PSD3: variants seen among roughly 807,000 people sequenced by gnomAD.
PSD3 encodes the protein PH and SEC7 domain-containing protein 3.
A neutral mutation model predicts 105.5 loss-of-function variants in PSD3; 49 were observed. The ratio of observed to expected loss-of-function variants is 0.46; its 90% CI spans 0.37 to 0.59. The LOEUF (loss-of-function observed/expected upper bound fraction) is 0.59. Among genes scored for constraint, PSD3 ranks in the 20% least tolerant of loss-of-function variants. PSD3 has a pLI of 0.00. For missense variants in PSD3, 1,561 were observed against 1,263.8 expected (o/e 1.24, Z -3.57); for synonymous variants, 557 against 457.8 (o/e 1.22, Z -2.77).
At chr8:18,637,628 T>C (rs1807360478) in intron 10 of PSD3, among the ~76,000 whole-genome samples, 1 of 152,330 alleles carries the variant, frequency 6.6e-6, no homozygotes. Context: ...CCTACCATTG[T>C]AAAGTACCAT....
At chr8:18,584,631 G>C (rs992966397) in intron 12 of PSD3, among the ~76,000 whole-genome samples, 3 of 152,316 alleles carry the variant, frequency 2.0e-5, no homozygotes, top group Admixed American at 6.5e-5. Flanking sequence ...GAAGCAAGCT[G>C]GCTCAGGCAA....
chr8:18,902,660 G>A (rs1052178220), intron 2 of PSD3, among the ~76,000 whole-genome samples: 5 of 152,132 alleles, frequency 3.3e-5, no homozygotes, highest in African/African-American at 1.2e-4. Context: ...ACTGGCTTTT[G>A]TACAGAAAGA....
At chr8:18,846,790 C>T (rs1285792842) in intron 4 of PSD3, among the ~76,000 whole-genome samples, 1 of 152,092 alleles carries the variant, frequency 6.6e-6, no homozygotes, top group African/African-American at 2.4e-5. Context: ...AGGGGTCTTG[C>T]TCATGAAGAG....
At chr8:18,909,410 G>C (rs546342683) in intron 2 of PSD3, among the ~76,000 whole-genome samples, 2 of 152,114 alleles carry the variant, frequency 1.3e-5, no homozygotes, top group African/African-American at 4.8e-5. Flanking sequence ...AGATAACTTA[G>C]CTATGGATAA....
chr8:18,906,350 T>C (rs997365283), intron 2 of PSD3, among the ~76,000 whole-genome samples: 1 of 152,218 alleles, frequency 6.6e-6, no homozygotes, highest in African/African-American at 2.4e-5. Flanking sequence ...GAAATTTCAA[T>C]GCACTAATAA....
intron 4 of PSD3, among the ~76,000 whole-genome samples, chr8:18,843,945 A>G (rs1193307488): frequency 7.4e-5 from 11 of 148,996 alleles, no homozygotes; most frequent in Admixed American, 6.0e-4. Flanking sequence ...ACCCAAGGCA[A>G]TACTGTCAGG....
At chr8:18,713,535 G>A (rs1199865843) in intron 9 of PSD3, among the ~76,000 whole-genome samples, 1 of 152,038 alleles carries the variant, frequency 6.6e-6, no homozygotes, top group Admixed American at 6.6e-5. Context: ...ATTCACAATT[G>A]CTACAAAGAG....
chr8:18,912,177 CATA>C (rs1820267209), intron 2 of PSD3, among the ~76,000 whole-genome samples: 1 of 152,136 alleles, frequency 6.6e-6, no homozygotes, highest in South Asian at 2.1e-4. Context: ...ATCCTTATTT[CATA>C]ATGTCATAAT....
chr8:18,662,924 C>G (rs1044870043), intron 9 of PSD3, among the ~76,000 whole-genome samples: 5 of 152,094 alleles, frequency 3.3e-5, no homozygotes, highest in Non-Finnish European at 7.4e-5. Context: ...GGAGCTACAG[C>G]AAGAAAGCCA....
chr8:18,913,086 A>AC (rs1820350128), intron 2 of PSD3, among the ~76,000 whole-genome samples: 60 of 130,524 alleles, frequency 4.6e-4, no homozygotes, highest in Non-Finnish European at 5.4e-4. Flanking sequence ...CACACACACA[A>AC]ACACACACAC....
chr8:18,718,785 G>C (rs937248249), intron 9 of PSD3, among the ~76,000 whole-genome samples: 5 of 152,080 alleles, frequency 3.3e-5, no homozygotes, highest in African/African-American at 7.2e-5. Flanking sequence ...ATAATTTAGA[G>C]ACATTAATAA....
At chr8:18,695,968 T>G (rs896021458) in intron 9 of PSD3, among the ~76,000 whole-genome samples, 1 of 152,194 alleles carries the variant, frequency 6.6e-6, no homozygotes, top group Non-Finnish European at 1.5e-5. Context: ...CATTCCTGGG[T>G]AGACTCTGTG....
intron 9 of PSD3, among the ~76,000 whole-genome samples, chr8:18,714,787 C>A (rs901535020): frequency 1.3e-5 from 2 of 152,112 alleles, no homozygotes; most frequent in Non-Finnish European, 2.9e-5. Flanking sequence ...TGGGTATATA[C>A]CCAAAGGAAT....
intron 8 of PSD3, among the ~76,000 whole-genome samples, chr8:18,785,461 C>T (rs1332642767): frequency 1.3e-5 from 2 of 152,156 alleles, no homozygotes; most frequent in African/African-American, 4.8e-5. Flanking sequence ...ATTGAAGAGA[C>T]TCAGGGCCTT....
At chr8:19,062,294 C>G (rs1828927926) in intron 1 of PSD3, among the ~76,000 whole-genome samples, 1 of 152,198 alleles carries the variant, frequency 6.6e-6, no homozygotes, top group Admixed American at 6.5e-5. Flanking sequence ...TTGAGGCAGA[C>G]TGGTGTTCCT....
chr8:18,622,186 T>G (rs1260902247), intron 11 of PSD3, among the ~76,000 whole-genome samples: 3 of 152,212 alleles, frequency 2.0e-5, no homozygotes, highest in Non-Finnish European at 4.4e-5. Flanking sequence ...TCAGAACTAA[T>G]CTCAGGACTG....
intron 8 of PSD3, among the ~76,000 whole-genome samples, chr8:18,769,105 A>G (rs1308668407): frequency 6.6e-6 from 1 of 152,132 alleles, no homozygotes; most frequent in Admixed American, 6.6e-5. Flanking sequence ...AGGTAAAAAA[A>G]TAACACATAC....
intron 2 of PSD3, among the ~76,000 whole-genome samples, chr8:18,902,481 T>G (rs1352838069): frequency 6.6e-6 from 1 of 152,246 alleles, no homozygotes; most frequent in Non-Finnish European, 1.5e-5. Flanking sequence ...TTCCACCAAG[T>G]CATTGAATTC....
upstream of PSD3, chr8:19,084,748 G>C: frequency 3.4e-6 from 1 of 297,600 alleles, no homozygotes; most frequent in Non-Finnish European, 6.6e-6. Context: ...TTCTGCAGCA[G>C]CCTCAAAGGA....
Sources: allele counts gnomAD v4.1 joint callset (sites outside exome capture counted in the v4.1 genomes callset), GRCh38; gene constraint gnomAD v4.1.1; transcripts MANE v1.5; gene names NCBI Gene and HGNC (gene_info 2026-07-23, HGNC 2026-07-21).